Variants in SH2B2 observed in about 807,000 individuals in gnomAD.
The protein encoded by SH2B2 is SH2B adaptor protein 2, also known as SH2B adapter protein 2.
Under a neutral mutation model 35.7 loss-of-function variants are expected in SH2B2, and 37 were observed. The ratio of observed to expected loss-of-function variants is 1.04; its 90% confidence interval spans 0.80 to 1.36. SH2B2 has a LOEUF of 1.36. SH2B2 is among the 40% of genes most tolerant of loss of function. SH2B2 has a pLI of 0.00. For synonymous variants in SH2B2, 383 were observed against 376.4 expected (o/e 1.02, Z -0.20); for missense variants, 852 against 817.7 (o/e 1.04, Z -0.51).
Position 102,321,502 on chromosome 7 carries a change from A to T in SH2B2, c.1771A>T (p.Ser591Cys). The change falls in exon 9 of 9, where the codon AGC becomes TGC. Residue 591 changes from serine to cysteine, a missense_variant. This residue lies in a region of SH2B2 where 556 missense variants were observed against 514.5 expected (regional missense o/e 1.08). Transcript: ENST00000444095. ...APPRPVEGQL[S>C]ARSRSNSAER... ...CCCGCGCCCCGTCGAGGGCCAGCTC[A>T]GCGCGCGGAGCCGCAGCAACAGCGC... The T allele has an allele frequency of 8.7e-7, 1 of 1,151,980 alleles. No homozygotes were observed. Among genetic ancestry groups the T allele is most frequent in the Non-Finnish European group, 1.1e-6 (1 of 936,442 alleles). 71.4% of individuals were successfully genotyped at this position (1,151,980 alleles called of 1,614,324 possible).
chr7:102,320,225 C>T, intron 7 of SH2B2, 106 bp from the exon 8 acceptor site: 2 of 955,752 alleles, frequency 2.1e-6, no homozygotes, highest in Non-Finnish European at 3.2e-6. Context: ...CTGACACAGC[C>T]CCATACAGCC....
chr7:102,290,242 T>A (rs1341624620), intron 1 of SH2B2, among the ~76,000 whole-genome samples: 1 of 3,258 alleles, frequency 3.1e-4, no homozygotes. Context: ...CATACCCCCC[T>A]TTTTTTTTTT....
At chr7:102,300,354 A>G (rs1051648148) in intron 1 of SH2B2, among the ~76,000 whole-genome samples, 168 bp from the exon 2 acceptor site, 6 of 151,978 alleles carry the variant, frequency 3.9e-5, no homozygotes, top group Non-Finnish European at 5.9e-5. Flanking sequence ...CTTTACACAC[A>G]TCCATGCTGC....
chr7:102,306,769 C>T lies in SH2B2; in HGVS notation c.778C>T (p.Arg260Cys), dbSNP rs782512441. The change falls in exon 3 of 9, where the codon CGC (arginine) becomes TGC (cysteine). Residue 260 changes from arginine to cysteine, a missense_variant. By Grantham distance (180) the Arg-to-Cys change is radical. Transcript: ENST00000444095. ...CCCACTGTCAGCCATCATTGAGGTC[C>T]GCACCACCATGCCCCTGGAAATGCC... ...SIPLSAIIEV[R>C]TTMPLEMPEK... 15 of 1,601,096 alleles carry T rather than the reference C, an allele frequency of 9.4e-6. No individual in the cohort carries two copies. Among genetic ancestry groups the T allele is most frequent in the Admixed American group, 1.7e-5 (1 of 58,214 alleles).
upstream of SH2B2, chr7:102,285,357 C>T (rs1301105277): frequency 2.4e-6 from 2 of 821,264 alleles, no homozygotes; most frequent in African/African-American, 1.7e-5. Context: ...CTCGGGCACC[C>T]CCTCCTCCCC....
At chr7:102,314,218 CCAGG>C (rs1793730084) in intron 4 of SH2B2, 114 bp from the exon 5 acceptor site, 11 of 397,644 alleles carry the variant, frequency 2.8e-5, no homozygotes, top group African/African-American at 6.2e-5. Flanking sequence ...GTGACCAGAG[CCAGG>C]AGGCCTAGAT....
chr7:102,320,082 T>C (rs985737932), intron 7 of SH2B2, among the ~76,000 whole-genome samples: 1 of 152,062 alleles, frequency 6.6e-6, no homozygotes, highest in Non-Finnish European at 1.5e-5. Flanking sequence ...AGATTATAGG[T>C]GTGTAGGGCA....
chr7:102,317,286 A>T lies in SH2B2; in HGVS notation c.1286A>T (p.Gln429Leu), dbSNP rs782809706. ...ACACTGTCCCGGGTCAAGGCTGCTCAACTGGTTCTGGCAGGGGGGCCCCGG... is the reference window on the plus strand; with the variant it reads ...ACACTGTCCCGGGTCAAGGCTGCTCTACTGGTTCTGGCAGGGGGGCCCCGG... The part of the protein sequence containing the change: ...HGTLSRVKAA[Q>L]LVLAGGPRNH... Residue 429 changes from glutamine (Q) to leucine (L), a missense_variant, in exon 7 of 9, where the codon CAA (glutamine) becomes CTA (leucine). Gln to Leu is a moderately radical substitution (Grantham distance 113, BLOSUM62 -2). Transcript: ENST00000444095. 3.7e-6 allele frequency: 6 copies of T among 1,613,680 alleles called. No individual in the cohort carries two copies. The highest frequency in any genetic ancestry group is 5.1e-6 in the Non-Finnish European group (6 of 1,179,736).
intron 4 of SH2B2, among the ~76,000 whole-genome samples, chr7:102,312,188 A>G (rs1554556218): frequency 6.6e-6 from 1 of 152,058 alleles, no homozygotes; most frequent in African/African-American, 2.4e-5. Context: ...CTTGGCCAAC[A>G]TGGTGAAACC....
chr7:102,289,077 C>G (rs1418823508), intron 1 of SH2B2, among the ~76,000 whole-genome samples: 1 of 152,188 alleles, frequency 6.6e-6, no homozygotes, highest in Admixed American at 6.5e-5. Context: ...TATGCTCTGT[C>G]TAGGGGGATA....
chr7:102,318,954 TG>T (rs1793958064), intron 7 of SH2B2, among the ~76,000 whole-genome samples: 2 of 152,058 alleles, frequency 1.3e-5, no homozygotes, highest in African/African-American at 2.4e-5. Context: ...GAACAAAGGG[TG>T]GGTGGCAAGC....
At chr7:102,292,341 G>A (rs1211672758) in intron 1 of SH2B2, among the ~76,000 whole-genome samples, 1 of 152,054 alleles carries the variant, frequency 6.6e-6, no homozygotes, top group Non-Finnish European at 1.5e-5. Context: ...GACCAGCCTG[G>A]CCAAGATGGT....
intron 4 of SH2B2, among the ~76,000 whole-genome samples, chr7:102,309,811 G>A (rs1217483453): frequency 6.6e-6 from 1 of 152,214 alleles, no homozygotes; most frequent in East Asian, 1.9e-4. Context: ...GGCAGAGGAA[G>A]ATGGGAGAGG....
In SH2B2 at chr7:102,297,771, C is replaced by T. The variant is rs1792982053; in HGVS notation, c.-29-2751C>T. 6.6e-6 allele frequency among the ~76,000 whole-genome samples: 1 copy of T among 151,986 alleles called. No homozygotes were observed. Among genetic ancestry groups the T allele is most frequent in the African/African-American group, 2.4e-5 (1 of 41,348 alleles). On this transcript the variant is annotated intron_variant, in intron 1 of 8. Transcript: ENST00000444095. The surrounding 1 kb of genome is among the most constrained non-coding windows in gnomAD (Gnocchi z 4.3). ...GCTTCTAGGACTGGCAAAATCCCTG[C>T]CTTGTGAAACTGGCATTCTCGGGGG... is the stretch of plus-strand genomic sequence containing the variant.
rs1339142407 is a variant in SH2B2, at chr7:102,321,326, C to T, written c.1595C>T (p.Pro532Leu). 10 of 1,432,024 alleles carry T rather than the reference C, an allele frequency of 7.0e-6. No homozygotes were observed. Among genetic ancestry groups the T allele is most frequent in the Non-Finnish European group, 9.1e-6 (10 of 1,098,860 alleles). 88.7% of individuals were successfully genotyped at this position (1,432,024 alleles called of 1,614,324 possible). A position where few individuals can be genotyped will look rare whatever the true frequency, so the allele number is the denominator to read the frequency against. ...PEPGPTPPAA[P>L]ASPACWSDSP... ...CCGGGCCCCACGCCCCCTGCCGCGC[C>T]CGCGTCCCCGGCCTGCTGGAGCGAC... Residue 532 changes from proline (P) to leucine (L), a missense_variant, in exon 9 of 9, where the codon CCC becomes CTC. Around this residue, in one of 3 missense-constraint regions of SH2B2, gnomAD observed 556 missense variants for 514.5 expected, o/e 1.08. Coordinates refer to ENST00000444095, the MANE Select transcript of SH2B2 (RefSeq NM_001359228.2).
chr7:102,287,967 T>G (rs1792520655), intron 1 of SH2B2, among the ~76,000 whole-genome samples: 1 of 152,166 alleles, frequency 6.6e-6, no homozygotes, highest in Non-Finnish European at 1.5e-5. Flanking sequence ...AGGGAGAGCC[T>G]CAGGCTAGGC....
intron 7 of SH2B2, 51 bp from the exon 8 acceptor site, chr7:102,320,280 C>A: frequency 1.3e-6 from 2 of 1,482,050 alleles, no homozygotes; most frequent in South Asian, 1.1e-5. Flanking sequence ...GGCGCTTACC[C>A]AGGTGCCCAG....
rs367647043 is a variant in SH2B2, at chr7:102,288,825, G to A, written c.-30+1731G>A. ...GGGGAAGTGACTGGCCCAAAGTCCC[G>A]CAGTCAACGAGCCAGGCCTCCCAAC... is the stretch of plus-strand genomic sequence containing the variant. On this transcript the variant is annotated intron_variant, in intron 1 of 8. Transcript: ENST00000444095. Among the ~76,000 whole-genome samples, 14 of 152,282 alleles carry A rather than the reference G, an allele frequency of 9.2e-5. No individual in the cohort carries two copies. The East Asian group carries it at 1.4e-3, about 15-fold the overall frequency.
At chr7:102,308,311 C>T (rs1037003436) in intron 3 of SH2B2, among the ~76,000 whole-genome samples, 6 of 152,222 alleles carry the variant, frequency 3.9e-5, no homozygotes, top group African/African-American at 1.4e-4. Context: ...GGGCCTGGCC[C>T]CAGCAGGGAT....
Sources: gnomAD v4.1 joint callset for allele counts (sites outside exome capture counted in the v4.1 genomes callset) on GRCh38, gnomAD v4.1.1 for gene constraint, gnomAD v4.1.1 regional missense constraint, Gnocchi (gnomAD v3.1) non-coding constraint, MANE v1.5 for transcripts, NCBI Gene and HGNC (gene_info 2026-07-23, HGNC 2026-07-21) for gene names.